Variants in CLMN observed in about 807,000 individuals in gnomAD.
The protein encoded by CLMN is calmin (calponin-like, transmembrane).
Under a neutral mutation model 92.7 loss-of-function variants are expected in CLMN, and 57 were observed. The ratio of observed to expected loss-of-function variants is 0.61; its 90% CI spans 0.50 to 0.77. CLMN has a LOEUF of 0.77. CLMN is among the 30% of genes least tolerant of loss of function. The pLI is 0.00. For synonymous variants in CLMN, 466 were observed against 470.6 expected (o/e 0.99, Z 0.13); for missense variants, 1,158 against 1,237.5 (o/e 0.94, Z 0.96).
At chr14:95,306,460 A>G (rs973809158) in intron 1 of CLMN, among the ~76,000 whole-genome samples, 5 of 152,010 alleles carry the variant, frequency 3.3e-5, no homozygotes, top group African/African-American at 7.3e-5. Context: ...CAGAGGTTGC[A>G]GTGAGCCGAG....
chr14:95,284,383 G>T (rs1028686910), intron 1 of CLMN, among the ~76,000 whole-genome samples: 1 of 152,170 alleles, frequency 6.6e-6, no homozygotes, highest in Admixed American at 6.5e-5. Flanking sequence ...GTCCCTACTG[G>T]GGCACTGCCT....
chr14:95,262,229 C>T (rs1365208958), intron 1 of CLMN, among the ~76,000 whole-genome samples: 3 of 152,198 alleles, frequency 2.0e-5, no homozygotes, highest in African/African-American at 7.2e-5. Flanking sequence ...GATGTTTTCT[C>T]AGAGCCCTGT....
At chr14:95,215,518 A>G in intron 5 of CLMN, 123 bp downstream of exon 5, 2 of 770,898 alleles carry the variant, frequency 2.6e-6, no homozygotes, top group Non-Finnish European at 4.4e-6. Context: ...CAGTGAGTAG[A>G]AAAGATAAAA....
chr14:95,197,265 G>A (rs1197158891), intron 9 of CLMN, among the ~76,000 whole-genome samples: 1 of 150,532 alleles, frequency 6.6e-6, no homozygotes, highest in African/African-American at 2.4e-5. Flanking sequence ...GGAAGAAGAA[G>A]AAAAGAGGAG....
chr14:95,270,823 G>C (rs759360879), intron 1 of CLMN, among the ~76,000 whole-genome samples: 2 of 152,062 alleles, frequency 1.3e-5, no homozygotes, highest in African/African-American at 4.8e-5. Flanking sequence ...TTTCTCCTGG[G>C]TATACACCTA....
Position 95,210,566 on chromosome 14 carries a change from T to C in CLMN, c.802+120A>G, listed in dbSNP as rs1897167686. 5.2e-6 allele frequency: 5 copies of C among 955,070 alleles called. No individual in the cohort carries two copies. The East Asian group carries it at 1.4e-4, about 26-fold the overall frequency. The allele number at this position is 955,070 out of a possible 1,614,324, so 59.2% of individuals were successfully genotyped here. ...ATCCATATGATCTGAGTGGTAGAAA[T>C]ATAGGAGAAAAAATCTTCTTCATTA... On this transcript the variant is annotated intron_variant, in intron 7 of 12. Coordinates refer to ENST00000298912, the MANE Select transcript of CLMN (RefSeq NM_024734.4).
chr14:95,267,861 G>A (rs192753808), intron 1 of CLMN, among the ~76,000 whole-genome samples: 15 of 152,192 alleles, frequency 9.9e-5, no homozygotes, highest in South Asian at 4.1e-4. Flanking sequence ...AAATCCTGTC[G>A]GTTGCAGCAA....
intron 1 of CLMN, among the ~76,000 whole-genome samples, chr14:95,245,554 G>A (rs1270526692): frequency 2.7e-5 from 4 of 150,150 alleles, no homozygotes; most frequent in African/African-American, 9.8e-5. Flanking sequence ...ATGGATAGGT[G>A]GATGGAGAGA....
At position 95,203,315 on chromosome 14, in the gene CLMN, G is replaced by A. The variant is rs772753315; in HGVS notation, c.2034C>T (p.Asp678=). Residue 678 remains aspartate (D), a synonymous_variant, in exon 9 of 13, where the codon GAC becomes GAT. Transcript: ENST00000298912. ...PHYEEEGEDD[D]LQGVGEELSS... ...ATAATTCCTCGCCCACACCCTGGAG[G>A]TCATCGTCTTCTCCCTCTTCCTCAT... 6.2e-7 allele frequency: 1 copy of A among 1,614,134 alleles called. No individual in the cohort carries two copies. The highest frequency in any genetic ancestry group is 1.1e-5 in the South Asian group (1 of 91,076).
chr14:95,241,029 T>C (rs559066857), intron 1 of CLMN, among the ~76,000 whole-genome samples: 2 of 152,198 alleles, frequency 1.3e-5, no homozygotes, highest in Admixed American at 6.5e-5. Context: ...GAACAGAGCT[T>C]GACAGGCCTA....
intron 9 of CLMN, chr14:95,199,251 T>C (rs559047071): frequency 4.1e-4 from 63 of 152,358 alleles, no homozygotes; most frequent in African/African-American, 1.5e-3. Context: ...CCTGATCCCT[T>C]ATATTAATTT....
intron 2 of CLMN, among the ~76,000 whole-genome samples, chr14:95,228,578 C>T (rs1473034028): frequency 6.6e-6 from 1 of 152,200 alleles, no homozygotes; most frequent in Non-Finnish European, 1.5e-5. Context: ...TCCTAAAAGC[C>T]ACATTTATTT....
intron 4 of CLMN, among the ~76,000 whole-genome samples, chr14:95,217,718 C>A (rs993911359): frequency 5.9e-5 from 9 of 152,264 alleles, no homozygotes; most frequent in African/African-American, 1.7e-4. Flanking sequence ...ATCACCCTGG[C>A]CTTCCCTTTC....
At chr14:95,193,340 T>A (rs1250847215) in intron 12 of CLMN, 1 of 1,534,916 alleles carries the variant, frequency 6.5e-7, no homozygotes, top group East Asian at 2.4e-5. Context: ...TCCTGGCATG[T>A]TTGCTTTCCC....
intron 1 of CLMN, among the ~76,000 whole-genome samples, chr14:95,310,227 C>G (rs1901473060): frequency 6.6e-6 from 1 of 152,212 alleles, no homozygotes; most frequent in Non-Finnish European, 1.5e-5. Context: ...AACTTCTTTT[C>G]TTTATAAATT....
Position 95,209,447 on chromosome 14 carries a change from G to C in CLMN, c.833C>G (p.Ser278Cys), listed in dbSNP as rs548173643. 2 of 1,614,184 alleles carry C rather than the reference G, an allele frequency of 1.2e-6. No individual in the cohort carries two copies. Among genetic ancestry groups the C allele is most frequent in the South Asian group, 1.1e-5 (1 of 91,078 alleles). Reference sequence around the variant, plus strand: ...AAACTGTGCCACGTAAGTCATGATAGACTGCTCGTCTGGTGTGTCAACCAT... The same window carrying C: ...AAACTGTGCCACGTAAGTCATGATACACTGCTCGTCTGGTGTGTCAACCAT... The part of the protein sequence containing the change: ...DIMVDTPDEQ[S>C]IMTYVAQFLE... Residue 278 changes from serine (S) to cysteine (C), a missense_variant, in exon 8 of 13, where the codon TCT becomes TGT. Transcript: ENST00000298912.
In CLMN at chr14:95,203,255, C is replaced by G; in HGVS notation, c.2094G>C (p.Glu698Asp). 1 of 1,614,024 alleles carries G rather than the reference C, an allele frequency of 6.2e-7. No homozygotes were observed. The highest frequency in any genetic ancestry group is 2.2e-5 in the East Asian group (1 of 44,874). Residue 698 changes from glutamate to aspartate, a missense_variant, in exon 9 of 13, where the codon GAG (glutamate) becomes GAC (aspartate). By Grantham distance (45) the Glu-to-Asp change is conservative. Transcript: ENST00000298912. ...SSPPSSCVSL[E>D]TLGSHSEEGL... The stretch of plus-strand genomic sequence containing the variant: ...CTTCTTCGCTGTGACTCCCAAGGGT[C>G]TCCAAGCTGACACAGCTGCTTGGGG...
chr14:95,243,537 T>C (rs942066854), intron 1 of CLMN, among the ~76,000 whole-genome samples: 3 of 152,072 alleles, frequency 2.0e-5, no homozygotes, highest in African/African-American at 7.2e-5. Context: ...TAGCACTCAC[T>C]CCTCCCTCAC....
At chr14:95,319,303 TCACACACACACA>T (rs60670197) in intron 1 of CLMN, among the ~76,000 whole-genome samples, 11 of 144,198 alleles carry the variant, frequency 7.6e-5, no homozygotes, top group East Asian at 2.1e-4. Flanking sequence ...GTGCGCGAAC[TCACACACACACA>T]CACACACACA....
Sources: allele counts gnomAD v4.1 joint callset (sites outside exome capture counted in the v4.1 genomes callset), GRCh38; gene constraint gnomAD v4.1.1; transcripts MANE v1.5; gene names NCBI Gene and HGNC (gene_info 2026-07-23, HGNC 2026-07-21).